Variants in DPP6 observed in about 807,000 individuals in gnomAD.
DPP6 encodes the protein dipeptidyl peptidase like 6, also known as A-type potassium channel modulatory protein DPP6.
Under a neutral mutation model 122.6 loss-of-function variants are expected in DPP6, and 69 were observed. The observed-to-expected ratio is 0.56, with a 90% confidence interval of 0.46 to 0.69. DPP6 has a LOEUF of 0.69. Ranked by LOEUF, DPP6 falls within the 30% of genes least tolerant of loss-of-function variation. DPP6 has a pLI of 0.00. For synonymous variants in DPP6, 418 were observed against 433.1 expected, an observed-to-expected ratio of 0.97 and a Z score of 0.43; for missense variants, 928 against 1,116.9, an observed-to-expected ratio of 0.83 and a Z score of 2.41.
chr7:154,531,041 G>A (rs902645344), intron 3 of DPP6, among the ~76,000 whole-genome samples: 2 of 152,110 alleles, frequency 1.3e-5, no homozygotes, highest in South Asian at 4.1e-4. Flanking sequence ...AATAGCTAAT[G>A]GATGCTGGGC....
Position 154,566,853 on chromosome 7 carries a change from A to C in DPP6, c.564A>C (p.Arg188Ser). ...LIEGKKIESLRAIRYEISPDR... is the reference protein window; with the variant it reads ...LIEGKKIESLSAIRYEISPDR... ...ATTTTTTCTTTTAGGAATCATTAAG[A>C]GCCATCAGATATGAAATATCTCCAG... Residue 188 changes from arginine to serine, a missense_variant, in exon 5 of 26, where the codon AGA (arginine) becomes AGC (serine). By Grantham distance (110) the Arg-to-Ser change is moderately radical. Coordinates refer to ENST00000377770, the MANE Select transcript of DPP6 (RefSeq NM_130797.4). 1.3e-6 allele frequency: 2 copies of C among 1,590,010 alleles called. No homozygotes were observed. The highest frequency in any genetic ancestry group is 1.7e-6 in the Non-Finnish European group (2 of 1,161,760).
At chr7:153,803,374 A>G in the DPP6 span, among the ~76,000 whole-genome samples, 2 of 151,314 alleles carry the variant, frequency 1.3e-5, no homozygotes, top group African/African-American at 4.9e-5. Flanking sequence ...AGCCTTCCCC[A>G]ATCCATTGGG....
At chr7:154,806,960 C>A in intron 15 of DPP6, 34 bp from the exon 16 acceptor site, 2 of 1,609,670 alleles carry the variant, frequency 1.2e-6, no homozygotes, top group Non-Finnish European at 1.7e-6. Context: ...CTCCTCTCCG[C>A]CCACATTCAC....
intron 1 of DPP6, among the ~76,000 whole-genome samples, chr7:154,062,009 A>C (rs1802028340): frequency 1.1e-5 from 1 of 89,142 alleles, no homozygotes. Flanking sequence ...TGGTACCCCC[A>C]TCGCAGGGGG....
chr7:154,437,362 AC>A (rs1352043075), intron 1 of DPP6, among the ~76,000 whole-genome samples: 1 of 152,098 alleles, frequency 6.6e-6, no homozygotes, highest in African/African-American at 2.4e-5. Flanking sequence ...AATAGTGAAG[AC>A]CTCAGGAAGA....
intron 1 of DPP6, among the ~76,000 whole-genome samples, chr7:153,926,979 T>C (rs1800930707): frequency 6.6e-6 from 1 of 152,016 alleles, no homozygotes; most frequent in African/African-American, 2.4e-5. Flanking sequence ...AATTCTGTCA[T>C]GCTGATATTT....
chr7:153,928,396 A>ATTTTTTTTTTTTTTTTTTTTT lies in DPP6; in HGVS notation c.51+40667_51+40687dup, dbSNP rs71182854. ...CTGGCTAATTTTTTTCTTTTCTTTCATTTTTTTTTTTTTTTTTTTTTTTTT... is the reference window on the plus strand; with the variant it reads ...CTGGCTAATTTTTTTCTTTTCTTTCATTTTTTTTTTTTTTTTTTTTTTTTTTTTTTTTTTTTTTTTTTTTTT... On this transcript the variant is annotated intron_variant, in intron 1 of 25. Coordinates refer to the DPP6 transcript ENST00000404039. 2.3e-3 allele frequency among the ~76,000 whole-genome samples: 99 copies of ATTTTTTTTTTTTTTTTTTTTT among 43,686 alleles called. 17 individuals carry two copies. Among genetic ancestry groups the ATTTTTTTTTTTTTTTTTTTTT allele is most frequent in the African/African-American group, 2.9e-3 (37 of 12,638 alleles). The allele number at this position is 43,686 out of a possible 152,430, so 28.7% of individuals were successfully genotyped here. A position where few individuals can be genotyped will look rare whatever the true frequency, so the allele number is the denominator to read the frequency against.
At chr7:154,809,005 G>T (rs980180958) in intron 16 of DPP6, among the ~76,000 whole-genome samples, 17 of 152,220 alleles carry the variant, frequency 1.1e-4, no homozygotes, top group Non-Finnish European at 2.1e-4. Flanking sequence ...GCCTAGGCAG[G>T]AGGCAGAGCC....
intron 1 of DPP6, among the ~76,000 whole-genome samples, chr7:153,965,391 A>C (rs1021709288): frequency 6.6e-6 from 1 of 152,108 alleles, no homozygotes; most frequent in African/African-American, 2.4e-5. Context: ...AGCGCTCCTC[A>C]TGGCCACTGA....
intron 16 of DPP6, among the ~76,000 whole-genome samples, chr7:154,827,280 C>G (rs906031004): frequency 2.6e-5 from 4 of 151,852 alleles, no homozygotes; most frequent in African/African-American, 4.8e-5. Flanking sequence ...CCATTCTCAT[C>G]CTCTTTCTTA....
chr7:154,565,823 C>A (rs971802169), intron 4 of DPP6, among the ~76,000 whole-genome samples: 4 of 152,212 alleles, frequency 2.6e-5, no homozygotes, highest in Admixed American at 6.5e-5. Context: ...CTGCGCCCAG[C>A]CAATGTGATG....
At chr7:154,421,558 A>T (rs1367238122) in intron 1 of DPP6, among the ~76,000 whole-genome samples, 2 of 152,144 alleles carry the variant, frequency 1.3e-5, no homozygotes, top group African/African-American at 4.8e-5. Flanking sequence ...TCCTGACCTC[A>T]GGTGATCTGC....
At chr7:154,619,222 C>T (rs1834473442) in intron 5 of DPP6, among the ~76,000 whole-genome samples, 1 of 152,072 alleles carries the variant, frequency 6.6e-6, no homozygotes, top group Admixed American at 6.6e-5. Flanking sequence ...ACGCACATAC[C>T]ATCGATTGGC....
intron 1 of DPP6, among the ~76,000 whole-genome samples, chr7:154,317,145 G>A (rs1807504803): frequency 6.6e-6 from 1 of 152,160 alleles, no homozygotes; most frequent in South Asian, 2.1e-4. Flanking sequence ...TTCCAATGAA[G>A]TGGGTTTGCT....
intron 3 of DPP6, among the ~76,000 whole-genome samples, chr7:154,489,536 G>A (rs1169185964): frequency 2.6e-5 from 4 of 152,164 alleles, no homozygotes; most frequent in Admixed American, 2.0e-4. Flanking sequence ...ATATTGTGAT[G>A]CTGAGCAGGT....
intron 2 of DPP6, among the ~76,000 whole-genome samples, chr7:154,448,920 A>T (rs999692598): frequency 6.6e-6 from 1 of 152,228 alleles, no homozygotes; most frequent in Non-Finnish European, 1.5e-5. Flanking sequence ...AGATGAACTC[A>T]ATGTGGACCA....
At chr7:153,817,720 A>G in the DPP6 span, among the ~76,000 whole-genome samples, 2 of 138,852 alleles carry the variant, frequency 1.4e-5, no homozygotes, top group Non-Finnish European at 3.1e-5. Context: ...GAACAATGAG[A>G]ACACTTGGAC....
intron 1 of DPP6, among the ~76,000 whole-genome samples, chr7:153,941,529 A>C (rs1323667231): frequency 6.6e-6 from 1 of 152,114 alleles, no homozygotes; most frequent in Non-Finnish European, 1.5e-5. Context: ...CTGGAGAGAG[A>C]GGGCCCCACA....
At chr7:154,023,317 T>TAC (rs1563109129) in intron 1 of DPP6, among the ~76,000 whole-genome samples, 6 of 40,964 alleles carry the variant, frequency 1.5e-4, no homozygotes, top group East Asian at 1.3e-3. Context: ...GTTTCTTGTC[T>TAC]GCACACACAC....
Sources: allele counts gnomAD v4.1 joint callset (sites outside exome capture counted in the v4.1 genomes callset), GRCh38; gene constraint gnomAD v4.1.1; transcripts MANE v1.5; gene names NCBI Gene and HGNC (gene_info 2026-07-23, HGNC 2026-07-21).